The following FLRT1 variants were observed in gnomAD, a reference collection of about 807,000 sequenced individuals.
The protein encoded by FLRT1 is fibronectin leucine rich transmembrane protein 1.
FLRT1 carries 14 observed loss-of-function variants against 30.9 expected under a neutral mutation model. The ratio of observed to expected loss-of-function variants is 0.45; its 90% CI spans 0.30 to 0.71. The LOEUF is 0.71. Ranked by LOEUF, FLRT1 falls within the 30% of genes least tolerant of loss-of-function variation. The pLI is 0.08. For missense variants in FLRT1, 737 were observed against 949.2 expected (o/e 0.78, Z 2.94); for synonymous variants, 368 against 430.4 (o/e 0.85, Z 1.80).
rs549790721 is a variant in FLRT1, at chr11:64,073,664, G to A, written c.-1037-29530G>A. On this transcript the variant is annotated intron_variant, in intron 1 of 2. Transcript: ENST00000682287. ...GTACGTCTGGGCCGGGAGCCTGTGAGGTCTGGCACATCAGATGGCATGCGA... is the reference window on the plus strand; with the variant it reads ...GTACGTCTGGGCCGGGAGCCTGTGAAGTCTGGCACATCAGATGGCATGCGA... 4.1e-4 allele frequency among the ~76,000 whole-genome samples: 63 copies of A among 152,354 alleles called. No homozygotes were observed. The South Asian group carries it at 0.013, about 32-fold the overall frequency.
At chr11:64,084,599 A>G (rs1479659683) in intron 1 of FLRT1, among the ~76,000 whole-genome samples, 5 of 152,236 alleles carry the variant, frequency 3.3e-5, no homozygotes, top group Non-Finnish European at 7.3e-5. Flanking sequence ...ATGGGTGGAC[A>G]GTACCCACTT....
chr11:64,049,000 A>ACTTGGGTGCCGGCTGCCTCCTGCC (rs1943639018), intron 1 of FLRT1, among the ~76,000 whole-genome samples: 2 of 151,850 alleles, frequency 1.3e-5, no homozygotes, highest in African/African-American at 4.8e-5. Context: ...AGAGAGACAG[A>ACTTGGGTGCCGGCTGCCTCCTGCC]CTGGGGTGCC....
In FLRT1 at chr11:64,103,542, A is replaced by G. The variant is rs1590912564; in HGVS notation, c.-689A>G. The G allele has an allele frequency of 6.7e-6, 1 of 148,688 alleles. No individual in the cohort carries two copies. The highest frequency in any genetic ancestry group is 1.5e-5 in the Non-Finnish European group (1 of 67,442). 9.2% of individuals were successfully genotyped at this position (148,688 alleles called of 1,614,324 possible). ...CCTCTCAGCTCCGTCATGCAAGAAC[A>G]CTCTCTGCACCCAGCCCATTCTGCC... On this transcript the variant is annotated 5_prime_UTR_variant, in exon 2 of 3. Coordinates refer to ENST00000682287, the MANE Select transcript of FLRT1 (RefSeq NM_013280.5).
rs566797189 is a variant in FLRT1, at chr11:64,060,207, A to G, written c.-1038+24048A>G. Among the ~76,000 whole-genome samples the G allele has an allele frequency of 1.4e-3, 217 of 152,374 alleles. 1 individual carries two copies. The highest frequency in any genetic ancestry group is 2.4e-3 in the Non-Finnish European group (163 of 68,026). On this transcript the variant is annotated intron_variant, in intron 1 of 2. Coordinates refer to ENST00000682287, the MANE Select transcript of FLRT1 (RefSeq NM_013280.5). The stretch of plus-strand genomic sequence containing the variant: ...CATCTGCCCAGCGGGCAGAGAGGCC[A>G]GGCCCACATTTCAAGCGGCCTGACA...
chr11:64,117,957 G>T lies in FLRT1; in HGVS notation c.1690G>T (p.Val564Phe). ...AGIIGGAVAL[V>F]FLFLVLGAIC... ...CATCATCGGCGGGGCAGTGGCTCTG[G>T]TCTTCCTCTTCCTGGTCCTGGGGGC... The change falls in exon 3 of 3, where the codon GTC becomes TTC. Residue 564 changes from valine to phenylalanine, a missense_variant. Val to Phe is a conservative substitution (Grantham distance 50). Coordinates refer to ENST00000682287, the MANE Select transcript of FLRT1 (RefSeq NM_013280.5). 1 of 1,613,770 alleles carries T rather than the reference G, an allele frequency of 6.2e-7. No individual in the cohort carries two copies. Among genetic ancestry groups the T allele is most frequent in the Non-Finnish European group, 8.5e-7 (1 of 1,180,022 alleles).
chr11:64,056,503 C>CA (rs1206183360), intron 1 of FLRT1, among the ~76,000 whole-genome samples: 1 of 152,190 alleles, frequency 6.6e-6, no homozygotes, highest in Non-Finnish European at 1.5e-5. Context: ...GACAGACGGA[C>CA]GGAGAGACGG....
intron 1 of FLRT1, among the ~76,000 whole-genome samples, chr11:64,098,209 C>T (rs759779288): frequency 6.6e-6 from 1 of 152,208 alleles, no homozygotes; most frequent in African/African-American, 2.4e-5. Flanking sequence ...CAGCCTCCCC[C>T]CTGCCCTTGT....
chr11:64,111,342 C>A (rs1944859050), intron 2 of FLRT1, among the ~76,000 whole-genome samples: 2 of 152,236 alleles, frequency 1.3e-5, no homozygotes, highest in African/African-American at 2.4e-5. Flanking sequence ...GGCCCCCTGG[C>A]AGAGGTGCTC....
rs1275100400 is a variant in FLRT1 at position 64,082,043 on chromosome 11, T to A, written c.-1037-21151T>A. The A allele has an allele frequency of 6.6e-6, 1 of 152,122 alleles. No individual in the cohort carries two copies. Among genetic ancestry groups the A allele is most frequent in the Non-Finnish European group, 1.5e-5 (1 of 68,116 alleles). 9.4% of individuals were successfully genotyped at this position (152,122 alleles called of 1,614,324 possible). On this transcript the variant is annotated intron_variant, in intron 1 of 2. Coordinates refer to ENST00000682287, the MANE Select transcript of FLRT1 (RefSeq NM_013280.5). The surrounding 1 kb of genome is among the most constrained non-coding windows in gnomAD (Gnocchi z 4.5). ...CCGGATCCCGTGACAGGTTGAAAAGTGTGTGAGCTGCAGCGTCCTGGGCTG... is the reference window on the plus strand; with the variant it reads ...CCGGATCCCGTGACAGGTTGAAAAGAGTGTGAGCTGCAGCGTCCTGGGCTG...
At chr11:64,107,866 A>G (rs1300941707) in intron 2 of FLRT1, among the ~76,000 whole-genome samples, 1 of 152,184 alleles carries the variant, frequency 6.6e-6, no homozygotes, top group Non-Finnish European at 1.5e-5. Flanking sequence ...CCCCACTCAC[A>G]CGACTCAAGG....
intron 1 of FLRT1, among the ~76,000 whole-genome samples, chr11:64,050,189 C>T (rs1048197786): frequency 6.6e-6 from 1 of 152,148 alleles, no homozygotes. Flanking sequence ...ACCCATCCCT[C>T]CCTCCCTAGA....
chr11:64,102,431 G>A (rs905693148), intron 1 of FLRT1, among the ~76,000 whole-genome samples: 7 of 152,200 alleles, frequency 4.6e-5, no homozygotes, highest in African/African-American at 1.7e-4. Context: ...AACTTCCCCA[G>A]TTCCCTGATG....
chr11:64,075,265 G>A (rs1334456431), intron 1 of FLRT1, among the ~76,000 whole-genome samples: 1 of 152,240 alleles, frequency 6.6e-6, no homozygotes, highest in African/African-American at 2.4e-5. Context: ...AGATAGGCTG[G>A]GACCTGCCTG....
intron 1 of FLRT1, among the ~76,000 whole-genome samples, chr11:64,049,252 GT>G (rs1320713230): frequency 6.6e-6 from 1 of 152,168 alleles, no homozygotes; most frequent in Non-Finnish European, 1.5e-5. Context: ...CCATTGTGTA[GT>G]AGGAAACTGA....
At chr11:64,070,967 C>T (rs1186470187) in intron 1 of FLRT1, among the ~76,000 whole-genome samples, 1 of 152,056 alleles carries the variant, frequency 6.6e-6, no homozygotes, top group Non-Finnish European at 1.5e-5. Context: ...GTCTTTATTC[C>T]AGGCTCTGAA....
At chr11:64,049,354 T>C (rs944493789) in intron 1 of FLRT1, among the ~76,000 whole-genome samples, 50 of 152,210 alleles carry the variant, frequency 3.3e-4, no homozygotes, top group Non-Finnish European at 1.0e-4. Context: ...GCTGTGCTGT[T>C]CACAGCGGTG....
chr11:64,050,133 C>T (rs1348631837), intron 1 of FLRT1, among the ~76,000 whole-genome samples: 1 of 152,112 alleles, frequency 6.6e-6, no homozygotes, highest in Admixed American at 6.5e-5. Flanking sequence ...ACAGGGAAGC[C>T]GGGTGCAGGC....
At chr11:64,060,498 C>A (rs1943878730) in intron 1 of FLRT1, 1 of 152,250 alleles carries the variant, frequency 6.6e-6, no homozygotes. Context: ...TCACAGATGC[C>A]TGGCGGCTCC....
intron 2 of FLRT1, among the ~76,000 whole-genome samples, chr11:64,111,380 G>A (rs919241793): frequency 1.2e-4 from 18 of 152,234 alleles, no homozygotes; most frequent in African/African-American, 4.1e-4. Context: ...CCTGGAGACT[G>A]AGGCAAAGTG....
Sources: gnomAD v4.1 joint callset for allele counts (sites outside exome capture counted in the v4.1 genomes callset) on GRCh38, gnomAD v4.1.1 for gene constraint, Gnocchi (gnomAD v3.1) non-coding constraint, MANE v1.5 for transcripts, NCBI Gene and HGNC (gene_info 2026-07-23, HGNC 2026-07-21) for gene names.